The following ASIC2 variants were observed in gnomAD, a reference collection of about 807,000 sequenced individuals.
The protein encoded by ASIC2 is acid-sensing ion channel 2.
ASIC2 carries 25 observed loss-of-function variants against 57.3 expected under a neutral mutation model. That is an observed-to-expected ratio of 0.44 (90% CI 0.32 to 0.61). The LOEUF (loss-of-function observed/expected upper bound fraction) is 0.61. Ranked by LOEUF, ASIC2 falls within the 20% of genes least tolerant of loss-of-function variation. The pLI is 0.06. For synonymous variants in ASIC2, 319 were observed against 307.5 expected (o/e 1.04, Z -0.39); for missense variants, 641 against 738.1 (o/e 0.87, Z 1.52).
chr17:34,118,292 T>A (rs1297951647), intron 1 of ASIC2: 4 of 152,234 alleles, frequency 2.6e-5, no homozygotes, highest in Non-Finnish European at 5.9e-5. Context: ...AGGCTCAGGA[T>A]GGCATCTCAC....
intron 1 of ASIC2, among the ~76,000 whole-genome samples, chr17:33,272,058 C>A (rs1056220484): frequency 6.6e-6 from 1 of 152,226 alleles, no homozygotes; most frequent in Admixed American, 6.5e-5. Flanking sequence ...GCCCAGAGCA[C>A]CTTGCCTCTA....
At chr17:33,043,487 C>T (rs1473722925) in intron 3 of ASIC2, among the ~76,000 whole-genome samples, 1 of 152,148 alleles carries the variant, frequency 6.6e-6, no homozygotes, top group Non-Finnish European at 1.5e-5. Flanking sequence ...GGGGACTGCT[C>T]CCCATTCCCT....
intron 1 of ASIC2, among the ~76,000 whole-genome samples, chr17:34,125,935 ATCCACGTCAC>A (rs1215648130): frequency 6.6e-6 from 1 of 151,944 alleles, no homozygotes; most frequent in Non-Finnish European, 1.5e-5. Context: ...CATGCCCCCC[ATCCACGTCAC>A]TCCCCTTGGT....
intron 1 of ASIC2, among the ~76,000 whole-genome samples, chr17:33,849,389 C>T (rs1366843977): frequency 6.6e-6 from 1 of 152,160 alleles, no homozygotes; most frequent in Non-Finnish European, 1.5e-5. Context: ...ATTATCATTT[C>T]CATGTTGCAA....
intron 1 of ASIC2, among the ~76,000 whole-genome samples, chr17:33,538,215 A>G (rs565397312): frequency 4.6e-5 from 7 of 152,208 alleles, no homozygotes; most frequent in Non-Finnish European, 1.0e-4. Context: ...TAGAGACAGG[A>G]GAAGCAGGGT....
chr17:33,638,074 T>C (rs1906429275), intron 1 of ASIC2, among the ~76,000 whole-genome samples: 1 of 152,184 alleles, frequency 6.6e-6, no homozygotes, highest in Admixed American at 6.5e-5. Context: ...AATTCAAAAG[T>C]CTGAAAAACA....
intron 3 of ASIC2, among the ~76,000 whole-genome samples, chr17:33,075,884 G>A (rs949751728): frequency 2.0e-5 from 3 of 152,172 alleles, no homozygotes; most frequent in Non-Finnish European, 4.4e-5. Flanking sequence ...CATCCCAGTG[G>A]TACAGCCCAG....
chr17:33,878,283 G>A (rs1914605211), intron 1 of ASIC2, among the ~76,000 whole-genome samples: 1 of 152,222 alleles, frequency 6.6e-6, no homozygotes, highest in Non-Finnish European at 1.5e-5. Context: ...GTTGAGAGAA[G>A]AAGGCTTCAG....
chr17:33,552,932 T>C (rs999366020), intron 1 of ASIC2, among the ~76,000 whole-genome samples: 8 of 152,144 alleles, frequency 5.3e-5, no homozygotes, highest in African/African-American at 1.9e-4. Flanking sequence ...GGAGGGGAAA[T>C]GCATTTGCAG....
At chr17:33,244,149 C>T (rs947971839) in intron 1 of ASIC2, among the ~76,000 whole-genome samples, 4 of 152,202 alleles carry the variant, frequency 2.6e-5, no homozygotes, top group African/African-American at 9.7e-5. Flanking sequence ...ATGGAGACAG[C>T]CTAAGGAAGT....
At chr17:33,329,116 G>C (rs1229085390) in intron 1 of ASIC2, among the ~76,000 whole-genome samples, 1 of 152,206 alleles carries the variant, frequency 6.6e-6, no homozygotes, top group Non-Finnish European at 1.5e-5. Flanking sequence ...GATAAGGTCA[G>C]AGACAGCATG....
rs753583147 is a variant in ASIC2 at position 34,156,385 on chromosome 17, C to G, written c.148G>C (p.Val50Leu). Residue 50 changes from valine to leucine, a missense_variant, in exon 1 of 10, where the codon GTG becomes CTG. Coordinates refer to the ASIC2 transcript ENST00000359872. The surrounding 1 kb of genome is among the most constrained non-coding windows in gnomAD (Gnocchi z 4.4). ...ACCAGCAGCAGGCCCAGAGAGCCCA[C>G]GAAGGCCACTGCCCACAGCACACGC... 3 of 1,614,200 alleles carry G rather than the reference C, an allele frequency of 1.9e-6. No homozygotes were observed. Among genetic ancestry groups the G allele is most frequent in the South Asian group, 2.2e-5 (2 of 91,086 alleles).
intron 1 of ASIC2, among the ~76,000 whole-genome samples, chr17:33,602,400 C>A (rs1164483030): frequency 6.6e-6 from 1 of 152,168 alleles, no homozygotes; most frequent in Non-Finnish European, 1.5e-5. Flanking sequence ...GCTCCTGATA[C>A]AAGAATGAGT....
intron 3 of ASIC2, among the ~76,000 whole-genome samples, chr17:33,044,111 T>C (rs1029469403): frequency 6.6e-6 from 1 of 152,224 alleles, no homozygotes; most frequent in African/African-American, 2.4e-5. Context: ...ACACGACTTT[T>C]ATCTTGGGCC....
At chr17:33,089,552 GC>G (rs1377805299) in intron 2 of ASIC2, among the ~76,000 whole-genome samples, 4 of 152,214 alleles carry the variant, frequency 2.6e-5, no homozygotes, top group African/African-American at 9.6e-5. Context: ...GTAATCTCTT[GC>G]AGCAGCAATG....
At chr17:33,870,243 TTTTTTTTTTG>T (rs1317473881) in intron 1 of ASIC2, among the ~76,000 whole-genome samples, 1 of 140,020 alleles carries the variant, frequency 7.1e-6, no homozygotes, top group Non-Finnish European at 1.5e-5. Context: ...TTTTTTTTTT[TTTTTTTTTTG>T]TCTAAGCACT....
At chr17:33,254,752 C>T (rs569913520) in intron 1 of ASIC2, among the ~76,000 whole-genome samples, 1 of 152,200 alleles carries the variant, frequency 6.6e-6, no homozygotes, top group South Asian at 2.1e-4. Context: ...ATTTGATCCA[C>T]AGGAATAATG....
chr17:33,686,375 G>T (rs998871763), intron 1 of ASIC2, among the ~76,000 whole-genome samples: 4 of 152,152 alleles, frequency 2.6e-5, no homozygotes, highest in Non-Finnish European at 5.9e-5. Context: ...AGGGTGTAAG[G>T]GCTCCCCCTG....
intron 1 of ASIC2, among the ~76,000 whole-genome samples, chr17:33,464,514 TTCTTTCTTTCTTTCTTTCTTTCTTTC>T (rs1567621044): frequency 1.0e-3 from 40 of 38,922 alleles, no homozygotes; most frequent in African/African-American, 2.5e-3. Context: ...CTTTCTTTCT[TTCTTTCTTTCTTTCTTTCTTTCTTTC>T]TCTTTCTTTC....
Sources: allele counts gnomAD v4.1 joint callset (sites outside exome capture counted in the v4.1 genomes callset), GRCh38; gene constraint gnomAD v4.1.1; non-coding constraint Gnocchi (gnomAD v3.1); transcripts MANE v1.5; gene names NCBI Gene and HGNC (gene_info 2026-07-23, HGNC 2026-07-21).